PRKG1: variants seen among roughly 807,000 people sequenced by gnomAD.
The protein encoded by PRKG1 is cGMP-dependent protein kinase 1.
PRKG1 carries 35 observed loss-of-function variants against 88.1 expected under a neutral mutation model. That is an observed-to-expected ratio of 0.40 (90% CI 0.30 to 0.53). PRKG1 has a LOEUF of 0.53. Ranked by LOEUF, PRKG1 falls within the 20% of genes least tolerant of loss-of-function variation. The pLI is 0.59. For missense variants in PRKG1, 540 were observed against 839.8 expected (o/e 0.64, Z 4.41); for synonymous variants, 303 against 292.5 (o/e 1.04, Z -0.37).
chr10:51,832,053 C>T (rs10823685), intron 4 of PRKG1, among the ~76,000 whole-genome samples: 31,830 of 151,972 alleles, frequency 0.21, 5,359 homozygotes, highest in African/African-American at 0.47. Flanking sequence ...TTCTGTAAGA[C>T]AGGTGAAAAT....
chr10:51,022,992 C>T (rs567064899), intron 1 of PRKG1, among the ~76,000 whole-genome samples: 3 of 152,188 alleles, frequency 2.0e-5, no homozygotes, highest in South Asian at 4.2e-4. Flanking sequence ...AGCGAAGCTC[C>T]GTCTCAGAAA....
chr10:51,030,953 A>G (rs1005959187), intron 1 of PRKG1, among the ~76,000 whole-genome samples: 2 of 151,932 alleles, frequency 1.3e-5, no homozygotes, highest in African/African-American at 4.8e-5. Flanking sequence ...TAACAAAACT[A>G]CCTCTCAGTT....
At chr10:51,708,908 A>G (rs1221386985) in intron 3 of PRKG1, among the ~76,000 whole-genome samples, 4 of 152,118 alleles carry the variant, frequency 2.6e-5, no homozygotes, top group African/African-American at 9.7e-5. Context: ...TGGTGTAGCC[A>G]TACTGGTTAC....
chr10:51,419,931 C>G (rs1361730608), intron 2 of PRKG1, among the ~76,000 whole-genome samples: 1 of 151,758 alleles, frequency 6.6e-6, no homozygotes, highest in African/African-American at 2.4e-5. Flanking sequence ...CTCTTCTGAA[C>G]TAGTTTAATG....
At chr10:51,182,848 T>G (rs947363639) in intron 2 of PRKG1, among the ~76,000 whole-genome samples, 5 of 152,180 alleles carry the variant, frequency 3.3e-5, no homozygotes, top group Admixed American at 1.3e-4. Context: ...AATTCATACT[T>G]AGGCATAAGT....
chr10:51,760,174 A>T (rs1315614793), intron 3 of PRKG1, among the ~76,000 whole-genome samples: 3 of 152,176 alleles, frequency 2.0e-5, no homozygotes, highest in African/African-American at 7.2e-5. Context: ...CATGATATAA[A>T]TGTTTCTCAA....
intron 1 of PRKG1, among the ~76,000 whole-genome samples, chr10:50,995,121 G>A (rs1842825177): frequency 1.3e-5 from 2 of 152,108 alleles, no homozygotes; most frequent in Admixed American, 6.5e-5. Flanking sequence ...AAAAACTTTT[G>A]CCTATAAACA....
chr10:51,649,816 C>T (rs904476208), intron 3 of PRKG1, among the ~76,000 whole-genome samples: 4 of 152,152 alleles, frequency 2.6e-5, no homozygotes, highest in Non-Finnish European at 5.9e-5. Flanking sequence ...TCATGCTCAC[C>T]TCATGTAACT....
chr10:51,357,494 C>T (rs1193776902), intron 2 of PRKG1, among the ~76,000 whole-genome samples: 1 of 151,952 alleles, frequency 6.6e-6, no homozygotes, highest in East Asian at 1.9e-4. Flanking sequence ...AATCTCTCTA[C>T]CTGCCAGCTC....
Position 51,628,168 on chromosome 10 carries a change from ATTTCTTTTC to A in PRKG1, c.592+160349_592+160357del, listed in dbSNP as rs1263919702. On this transcript the variant is annotated intron_variant, in intron 3 of 17. Coordinates refer to ENST00000373980, the MANE Select transcript of PRKG1 (RefSeq NM_006258.4). ...TCTTTCTTTCTTTCTTTCTTTATTT[ATTTCTTTTC>A]TTTCTTTTCTTTCTTTCTTTCTCAT... 1.2e-3 allele frequency among the ~76,000 whole-genome samples: 44 copies of A among 37,490 alleles called. No individual in the cohort carries two copies. In the South Asian group the frequency reaches 0.019, roughly 16 times the overall value. The allele number at this position is 37,490 out of a possible 152,430, so 24.6% of individuals were successfully genotyped here.
At chr10:52,150,159 A>AAT (rs373400285) in intron 8 of PRKG1, among the ~76,000 whole-genome samples, 58,620 of 134,196 alleles carry the variant, frequency 0.44, 14,326 homozygotes, top group Non-Finnish European at 0.55. Context: ...AAATAATAAT[A>AAT]ATAATAATAA....
chr10:51,697,547 G>A, intron 3 of PRKG1: 3 of 784,066 alleles, frequency 3.8e-6, no homozygotes, highest in African/African-American at 1.8e-5. Flanking sequence ...AAGGAAAACA[G>A]AAAGAAAGAA....
At chr10:51,979,404 T>C (rs1462262416) in intron 5 of PRKG1, among the ~76,000 whole-genome samples, 2 of 138,686 alleles carry the variant, frequency 1.4e-5, no homozygotes, top group African/African-American at 5.3e-5. Flanking sequence ...TCATGGATAT[T>C]GGTCTGTTTT....
intron 4 of PRKG1, among the ~76,000 whole-genome samples, chr10:51,863,225 G>A (rs1457037599): frequency 2.6e-5 from 4 of 152,092 alleles, no homozygotes; most frequent in South Asian, 2.1e-4. Context: ...TTTCTAGAAA[G>A]CAGTATAGGG....
chr10:51,652,469 G>A (rs1840062384), intron 3 of PRKG1, among the ~76,000 whole-genome samples: 1 of 152,050 alleles, frequency 6.6e-6, no homozygotes, highest in South Asian at 2.1e-4. Context: ...GAAAAAGAGG[G>A]AAAGAGTCAT....
intron 5 of PRKG1, among the ~76,000 whole-genome samples, chr10:52,024,319 T>TTTGTG (rs140237388): frequency 0.24 from 32,852 of 139,640 alleles, 3,837 homozygotes; most frequent in African/African-American, 0.34. Flanking sequence ...TTATTTAACT[T>TTTGTG]TTTTTTTTAT....
intron 3 of PRKG1, among the ~76,000 whole-genome samples, chr10:51,609,201 G>A (rs1018892324): frequency 3.3e-5 from 5 of 151,734 alleles, no homozygotes; most frequent in African/African-American, 1.2e-4. Context: ...AAAAAATTTA[G>A]TGTAGTCTAA....
At chr10:52,109,111 C>T (rs545691803) in intron 7 of PRKG1, among the ~76,000 whole-genome samples, 1 of 152,108 alleles carries the variant, frequency 6.6e-6, no homozygotes, top group African/African-American at 2.4e-5. Flanking sequence ...CAGGTGTGAG[C>T]CACTGCGCCA....
At chr10:51,691,648 A>G (rs1841147676) in intron 3 of PRKG1, among the ~76,000 whole-genome samples, 1 of 152,150 alleles carries the variant, frequency 6.6e-6, no homozygotes, top group Non-Finnish European at 1.5e-5. Flanking sequence ...CATTTGTCAA[A>G]CTAGACACTA....
Sources: allele counts gnomAD v4.1 joint callset (sites outside exome capture counted in the v4.1 genomes callset), GRCh38; gene constraint gnomAD v4.1.1; transcripts MANE v1.5; gene names NCBI Gene and HGNC (gene_info 2026-07-23, HGNC 2026-07-21).